The following SNX8 variants were observed in gnomAD, a reference collection of about 807,000 sequenced individuals.
SNX8 encodes sorting nexin-8.
SNX8 carries 25 observed loss-of-function variants against 51.6 expected under a neutral mutation model. The observed-to-expected ratio is 0.48, with a 90% confidence interval of 0.35 to 0.68. The LOEUF (loss-of-function observed/expected upper bound fraction) is 0.68, where lower values mean the gene tolerates loss of function less well. SNX8 is among the 30% of genes least tolerant of loss of function. The pLI is 0.00. For synonymous variants in SNX8, 324 were observed against 277.0 expected, an observed-to-expected ratio of 1.17 and a Z score of -1.68; for missense variants, 695 against 624.0, an observed-to-expected ratio of 1.11 and a Z score of -1.21.
rs761460189 is a variant in SNX8 at position 2,255,129 on chromosome 7, C to T, written c.1325G>A (p.Cys442Tyr). ...VWNDLRPKLSCLFAGPHSTLT... is the reference protein window; with the variant it reads ...VWNDLRPKLSYLFAGPHSTLT... The stretch of plus-strand genomic sequence containing the variant: ...GGTGCTGTGTGGTCCCGCAAAGAGG[C>T]AGCTGAGCTTGGGCCTCAGGTCGTT... Residue 442 changes from cysteine to tyrosine, a missense_variant, in exon 11 of 11, where the codon TGC becomes TAC. Coordinates refer to ENST00000222990, the MANE Select transcript of SNX8 (RefSeq NM_013321.4). 1 of 1,578,470 alleles carries T rather than the reference C, an allele frequency of 6.3e-7. No individual in the cohort carries two copies. The highest frequency in any genetic ancestry group is 8.6e-7 in the Non-Finnish European group (1 of 1,162,192).
In SNX8 at chr7:2,332,304, T is replaced by C. The variant is rs961924259; in HGVS notation, c.-66+21918A>G. Among the ~76,000 whole-genome samples, 27 of 151,762 alleles carry C rather than the reference T, an allele frequency of 1.8e-4. No homozygotes were observed. In the Admixed American group the frequency reaches 1.8e-3, roughly 10 times the overall value. ...AGAGAAACTAAAGATGACAGATATT[T>C]ACATTGACATATTAGGACGTCAGCT... On this transcript the variant is annotated intron_variant, in intron 1 of 5. Coordinates refer to the SNX8 transcript ENST00000435336.
intron 1 of SNX8, among the ~76,000 whole-genome samples, chr7:2,344,176 C>T (rs953194606): frequency 1.4e-4 from 21 of 151,462 alleles, no homozygotes; most frequent in Non-Finnish European, 8.8e-5. Context: ...TGAGCCTGGG[C>T]GACAGAGCAA....
At chr7:2,276,751 C>T (rs935243774) in intron 2 of SNX8, among the ~76,000 whole-genome samples, 4 of 152,008 alleles carry the variant, frequency 2.6e-5, no homozygotes, top group South Asian at 2.1e-4. Context: ...TCAAGACCAG[C>T]CTGGACAATA....
At chr7:2,335,040 A>G (rs555483143) in intron 1 of SNX8, among the ~76,000 whole-genome samples, 1 of 151,998 alleles carries the variant, frequency 6.6e-6, no homozygotes, top group Non-Finnish European at 1.5e-5. Flanking sequence ...TACTAAGAAT[A>G]CATAAATTAC....
At chr7:2,312,238 C>A (rs1796672115) in intron 1 of SNX8, among the ~76,000 whole-genome samples, 1 of 152,132 alleles carries the variant, frequency 6.6e-6, no homozygotes, top group South Asian at 2.1e-4. Context: ...AGGTGTACAG[C>A]GCTCAGACTA....
chr7:2,263,883 T>C lies in SNX8; in HGVS notation c.782+415A>G, dbSNP rs369510257. ...ACCCGCCACCACGCCCAGAGAACTTTTTTTTGTATTTTTAGTAGAGACGGG... is the reference window on the plus strand; with the variant it reads ...ACCCGCCACCACGCCCAGAGAACTTCTTTTTGTATTTTTAGTAGAGACGGG... On this transcript the variant is annotated intron_variant, in intron 6 of 10. Coordinates refer to ENST00000222990, the MANE Select transcript of SNX8 (RefSeq NM_013321.4). Among the ~76,000 whole-genome samples the C allele has an allele frequency of 5.7e-4, 86 of 152,164 alleles. 1 individual carries two copies. In the Middle Eastern group the frequency reaches 0.017, roughly 30 times the overall value.
chr7:2,256,567 C>A, intron 10 of SNX8, among the ~76,000 whole-genome samples: 1 of 152,366 alleles, frequency 6.6e-6, no homozygotes, highest in East Asian at 1.9e-4. Flanking sequence ...TTCTCTCAGC[C>A]GCAGGGTGCG....
chr7:2,292,997 G>A (rs1271350309), intron 1 of SNX8, among the ~76,000 whole-genome samples: 1 of 151,998 alleles, frequency 6.6e-6, no homozygotes, highest in African/African-American at 2.4e-5. Context: ...TCCAGCCCGG[G>A]TGATAGAGTA....
At chr7:2,310,081 G>C (rs559615739) in intron 1 of SNX8, 3 of 352,520 alleles carry the variant, frequency 8.5e-6, no homozygotes, top group African/African-American at 6.4e-5. Flanking sequence ...ATGTAGGGCC[G>C]CAGGACTGTA....
chr7:2,278,082 A>T lies in SNX8; in HGVS notation c.300+18T>A. 3 of 1,609,814 alleles carry T rather than the reference A, an allele frequency of 1.9e-6. No individual in the cohort carries two copies. The highest frequency in any genetic ancestry group is 2.5e-6 in the Non-Finnish European group (3 of 1,177,024). ...TCTTCCCCCTCCTGCCCCGACACACACACAATTTGCCAGTTACCTGGCTGG... is the reference window on the plus strand; with the variant it reads ...TCTTCCCCCTCCTGCCCCGACACACTCACAATTTGCCAGTTACCTGGCTGG... On this transcript the variant is annotated intron_variant, in intron 2 of 10. Transcript: ENST00000222990.
At chr7:2,349,221 A>T (rs572176293) in intron 1 of SNX8, among the ~76,000 whole-genome samples, 1 of 151,496 alleles carries the variant, frequency 6.6e-6, no homozygotes, top group Admixed American at 6.6e-5. Flanking sequence ...AAAAAAAAAA[A>T]AGTAAAAAAA....
At chr7:2,333,125 G>T (rs1428608536) in intron 1 of SNX8, among the ~76,000 whole-genome samples, 3 of 151,282 alleles carry the variant, frequency 2.0e-5, no homozygotes, top group Non-Finnish European at 4.4e-5. Flanking sequence ...TGTTGCCCAG[G>T]CTGGTCTTGA....
intron 4 of SNX8, among the ~76,000 whole-genome samples, chr7:2,271,023 A>G (rs999064730): frequency 6.6e-6 from 1 of 152,208 alleles, no homozygotes; most frequent in Non-Finnish European, 1.5e-5. Flanking sequence ...CTCCTCCAGG[A>G]AACAGGAGCT....
At chr7:2,347,613 C>CTTT (rs779721737) in intron 1 of SNX8, among the ~76,000 whole-genome samples, 1 of 121,624 alleles carries the variant, frequency 8.2e-6, no homozygotes, top group South Asian at 2.7e-4. Flanking sequence ...ACACTGGATT[C>CTTT]TTTTTTTTTT....
rs1584684929 is a variant in SNX8 at position 2,271,929 on chromosome 7, C to T, written c.461G>A (p.Arg154His). The T allele has an allele frequency of 1.9e-6, 3 of 1,614,118 alleles. No individual in the cohort carries two copies. Among genetic ancestry groups the T allele is most frequent in the South Asian group, 1.1e-5 (1 of 91,082 alleles). ...FIEARRRALKRFVNLVARHPL... is the reference protein window; with the variant it reads ...FIEARRRALKHFVNLVARHPL... ...GTGTCGCGCCACCAGGTTGACGAAG[C>T]GCTTCAGGGCTCTCCTCCTGGCCTC... Residue 154 changes from arginine to histidine, a missense_variant, in exon 4 of 11, where the codon CGC (arginine) becomes CAC (histidine). Arg to His is a conservative substitution (Grantham distance 29). Transcript: ENST00000222990.
At chr7:2,320,407 A>T (rs1796814269) in intron 1 of SNX8, among the ~76,000 whole-genome samples, 1 of 152,004 alleles carries the variant, frequency 6.6e-6, no homozygotes. Flanking sequence ...TTTCCAGAGT[A>T]TTTACTGTTT....
chr7:2,290,107 C>T (rs1218754588), intron 1 of SNX8, among the ~76,000 whole-genome samples: 2 of 152,238 alleles, frequency 1.3e-5, no homozygotes, highest in African/African-American at 2.4e-5. Context: ...GAAGGAAAAT[C>T]GCTTGAACCT....
At chr7:2,258,285 G>T (rs942801064) in intron 7 of SNX8, among the ~76,000 whole-genome samples, 1 of 152,112 alleles carries the variant, frequency 6.6e-6, no homozygotes, top group African/African-American at 2.4e-5. Context: ...CAAAGTGCTG[G>T]ATTACAGGCG....
chr7:2,302,237 C>T (rs907060851), intron 1 of SNX8, among the ~76,000 whole-genome samples: 9 of 152,362 alleles, frequency 5.9e-5, no homozygotes, highest in South Asian at 4.1e-4. Flanking sequence ...CGAGTGCCTG[C>T]GATTGCAGGC....
Sources: allele counts gnomAD v4.1 joint callset (sites outside exome capture counted in the v4.1 genomes callset), GRCh38; gene constraint gnomAD v4.1.1; transcripts MANE v1.5; gene names NCBI Gene and HGNC (gene_info 2026-07-23, HGNC 2026-07-21).